PCDH15: variants seen among roughly 807,000 people sequenced by gnomAD.
PCDH15 encodes protocadherin-15.
In PCDH15, 129 loss-of-function variants were observed where a neutral mutation model predicts 178.5. The ratio of observed to expected loss-of-function variants is 0.72; its 90% confidence interval spans 0.63 to 0.84. The LOEUF is 0.84. PCDH15 is among the 40% of genes least tolerant of loss of function. The pLI, the probability that PCDH15 is intolerant of heterozygous loss-of-function variation, is 0.00. For synonymous variants in PCDH15, 800 were observed against 732.0 expected (o/e 1.09, Z -1.50); for missense variants, 2,230 against 2,099.9 (o/e 1.06, Z -1.21).
intron 2 of PCDH15, among the ~76,000 whole-genome samples, chr10:54,557,999 TGAC>T (rs1273626612): frequency 6.6e-6 from 1 of 152,082 alleles, no homozygotes; most frequent in African/African-American, 2.4e-5. Flanking sequence ...CACTCTGATA[TGAC>T]AATAAATGAT....
At chr10:54,789,230 T>C (rs1951170083) in intron 1 of PCDH15, among the ~76,000 whole-genome samples, 1 of 151,902 alleles carries the variant, frequency 6.6e-6, no homozygotes, top group South Asian at 2.1e-4. Flanking sequence ...AAAGACATAC[T>C]ATGTGTGAAT....
chr10:54,932,076 A>T (rs1340135398), intron 2 of PCDH15, among the ~76,000 whole-genome samples: 1 of 152,204 alleles, frequency 6.6e-6, no homozygotes, highest in African/African-American at 2.4e-5. Flanking sequence ...AAAATCTCTA[A>T]CACCTAGTAT....
At chr10:54,423,419 A>G (rs1006162210) in intron 3 of PCDH15, among the ~76,000 whole-genome samples, 1 of 151,936 alleles carries the variant, frequency 6.6e-6, no homozygotes. Context: ...GAGAGGGAAG[A>G]CATATTTGTC....
At chr10:55,561,277 T>C (rs1842193422) in intron 2 of PCDH15, among the ~76,000 whole-genome samples, 1 of 151,862 alleles carries the variant, frequency 6.6e-6, no homozygotes, top group Non-Finnish European at 1.5e-5. Context: ...ATTAGAAACA[T>C]ACAGGCTACA....
At chr10:54,253,658 C>CT (rs1174154489) in intron 8 of PCDH15, among the ~76,000 whole-genome samples, 1 of 151,894 alleles carries the variant, frequency 6.6e-6, no homozygotes, top group Non-Finnish European at 1.5e-5. Flanking sequence ...TTAGTGATTT[C>CT]TTTTTATAAA....
At chr10:55,611,153 C>A (rs1452523874) in intron 2 of PCDH15, among the ~76,000 whole-genome samples, 1 of 151,750 alleles carries the variant, frequency 6.6e-6, no homozygotes, top group Non-Finnish European at 1.5e-5. Flanking sequence ...AATGCACATA[C>A]AACAAATGAG....
At chr10:54,930,440 A>G (rs1837744291) in intron 2 of PCDH15, among the ~76,000 whole-genome samples, 1 of 151,976 alleles carries the variant, frequency 6.6e-6, no homozygotes, top group African/African-American at 2.4e-5. Context: ...TCCTAAACCC[A>G]CTTATTGTGT....
At chr10:54,970,481 T>C (rs1234819104) in intron 2 of PCDH15, among the ~76,000 whole-genome samples, 1 of 152,120 alleles carries the variant, frequency 6.6e-6, no homozygotes, top group Non-Finnish European at 1.5e-5. Context: ...TTGGTGAAAA[T>C]GTGAAGACAA....
intron 3 of PCDH15, among the ~76,000 whole-genome samples, chr10:54,429,059 ACTC>A (rs1194252224): frequency 3.4e-5 from 5 of 147,190 alleles, no homozygotes; most frequent in African/African-American, 1.0e-4. Flanking sequence ...TTTATAAATT[ACTC>A]TTGACTTAAG....
chr10:54,889,522 C>CTA (rs1210344493), intron 3 of PCDH15, among the ~76,000 whole-genome samples: 1 of 98,816 alleles, frequency 1.0e-5, no homozygotes, highest in African/African-American at 3.2e-5. Context: ...TATATATGAT[C>CTA]TATATATACA....
intron 2 of PCDH15, among the ~76,000 whole-genome samples, chr10:54,902,861 G>A (rs1218842363): frequency 6.6e-6 from 1 of 152,012 alleles, no homozygotes; most frequent in Non-Finnish European, 1.5e-5. Context: ...TTTAAAGACA[G>A]CCATAGATAG....
At chr10:54,700,481 A>G (rs1477370663) in intron 1 of PCDH15, among the ~76,000 whole-genome samples, 2 of 152,124 alleles carry the variant, frequency 1.3e-5, no homozygotes, top group African/African-American at 4.8e-5. Flanking sequence ...ATACAACAAT[A>G]CAAGAACTGA....
At chr10:54,055,269 A>T (rs1214549289) in intron 18 of PCDH15, among the ~76,000 whole-genome samples, 2 of 152,200 alleles carry the variant, frequency 1.3e-5, no homozygotes, top group Non-Finnish European at 2.9e-5. Context: ...TTTAAGTTAA[A>T]TAAATTCAGC....
intron 2 of PCDH15, among the ~76,000 whole-genome samples, chr10:54,556,957 T>G (rs575015195): frequency 5.3e-4 from 80 of 152,240 alleles, no homozygotes; most frequent in African/African-American, 1.9e-3. Flanking sequence ...TTATCTTAGA[T>G]CTTTTTACCA....
intron 3 of PCDH15, among the ~76,000 whole-genome samples, chr10:54,401,303 T>C (rs954022441): frequency 6.6e-6 from 1 of 151,790 alleles, no homozygotes; most frequent in African/African-American, 2.4e-5. Context: ...AAACTGTATA[T>C]GACTTTTGGA....
At chr10:55,471,328 T>A in intron 2 of PCDH15, among the ~76,000 whole-genome samples, 1 of 152,180 alleles carries the variant, frequency 6.6e-6, no homozygotes, top group East Asian at 1.9e-4. Context: ...GTAGAAAGAT[T>A]TTTATTAAGA....
chr10:55,027,358 C>G (rs1000404353), intron 2 of PCDH15, among the ~76,000 whole-genome samples: 6 of 151,500 alleles, frequency 4.0e-5, no homozygotes, highest in Non-Finnish European at 7.4e-5. Context: ...GTCACACTGT[C>G]TAGATTTAAA....
intron 2 of PCDH15, among the ~76,000 whole-genome samples, chr10:55,006,660 G>A (rs1482022623): frequency 1.3e-5 from 2 of 152,152 alleles, no homozygotes. Flanking sequence ...CTGAGGGGCT[G>A]AACCCTGCAA....
At chr10:55,427,356 A>C (rs911685353) in intron 2 of PCDH15, among the ~76,000 whole-genome samples, 1 of 152,196 alleles carries the variant, frequency 6.6e-6, no homozygotes, top group Non-Finnish European at 1.5e-5. Flanking sequence ...GTCAAGTGCT[A>C]AAATACTAAA....
Sources: allele counts gnomAD v4.1 joint callset (sites outside exome capture counted in the v4.1 genomes callset), GRCh38; gene constraint gnomAD v4.1.1; transcripts MANE v1.5; gene names NCBI Gene and HGNC (gene_info 2026-07-23, HGNC 2026-07-21).